The following AFG1L variants were observed in gnomAD, a reference collection of about 807,000 sequenced individuals.
The protein encoded by AFG1L is AFG1-like ATPase.
A neutral mutation model predicts 62.2 loss-of-function variants in AFG1L; 53 were observed. The observed-to-expected ratio is 0.85, with a 90% CI of 0.68 to 1.07. AFG1L has a LOEUF of 1.07. AFG1L is among the 50% of genes least tolerant of loss of function. The pLI is 0.00. For missense variants in AFG1L, 555 were observed against 590.5 expected (o/e 0.94, Z 0.62); for synonymous variants, 228 against 210.3 (o/e 1.08, Z -0.73).
intron 6 of AFG1L, among the ~76,000 whole-genome samples, chr6:108,367,546 A>G (rs1779810682): frequency 6.6e-6 from 1 of 152,148 alleles, no homozygotes; most frequent in African/African-American, 2.4e-5. Context: ...GATCAAGAGT[A>G]ACTCAAAGGT....
chr6:108,478,365 A>T (rs1278654041), intron 10 of AFG1L, among the ~76,000 whole-genome samples: 1 of 152,210 alleles, frequency 6.6e-6, no homozygotes, highest in African/African-American at 2.4e-5. Flanking sequence ...TGAACCCGGG[A>T]GGCGGAGCCT....
In AFG1L at chr6:108,295,201, G is replaced by T; in HGVS notation, c.122G>T (p.Gly41Val). ...AALAPLATAP[G>V]KPFWKAYTVQ... Reference sequence around the variant, plus strand: ...CTCGCTCCTCTGGCCACCGCCCCTGGGAAGCCCTTTTGGAAAGGTCAGTGA... The same window carrying T: ...CTCGCTCCTCTGGCCACCGCCCCTGTGAAGCCCTTTTGGAAAGGTCAGTGA... The change falls in exon 1 of 13, where the codon GGG becomes GTG. Residue 41 changes from glycine (G) to valine (V), a missense_variant. Gly to Val is a moderately radical substitution (Grantham distance 109, BLOSUM62 -3). Coordinates refer to ENST00000368977, the MANE Select transcript of AFG1L (RefSeq NM_145315.5). 1 of 1,604,984 alleles carries T rather than the reference G, an allele frequency of 6.2e-7. No individual in the cohort carries two copies.
chr6:108,306,981 T>C (rs1777221787), intron 1 of AFG1L, among the ~76,000 whole-genome samples: 1 of 152,196 alleles, frequency 6.6e-6, no homozygotes, highest in Non-Finnish European at 1.5e-5. Flanking sequence ...TATTATTTTT[T>C]CTGTTTAAAC....
intron 7 of AFG1L, among the ~76,000 whole-genome samples, chr6:108,404,822 G>A (rs1781780096): frequency 6.6e-6 from 1 of 152,090 alleles, no homozygotes; most frequent in African/African-American, 2.4e-5. Flanking sequence ...CTGCCTCCCA[G>A]GTTCAAGCAA....
At chr6:108,464,401 ATGACT>A (rs1772586887) in intron 8 of AFG1L, among the ~76,000 whole-genome samples, 1 of 152,176 alleles carries the variant, frequency 6.6e-6, no homozygotes, top group Non-Finnish European at 1.5e-5. Context: ...CAAAATGGAA[ATGACT>A]TGATTACTTT....
intron 8 of AFG1L, among the ~76,000 whole-genome samples, chr6:108,466,138 A>G (rs1772656385): frequency 6.6e-6 from 1 of 152,254 alleles, no homozygotes; most frequent in Non-Finnish European, 1.5e-5. Context: ...CTAAAATGGA[A>G]GAGATGGAAA....
At chr6:108,516,148 TTA>T (rs1333833816) in intron 11 of AFG1L, among the ~76,000 whole-genome samples, 3 of 152,220 alleles carry the variant, frequency 2.0e-5, no homozygotes, top group Admixed American at 6.5e-5. Flanking sequence ...CTAACTCATT[TTA>T]TGAGGCCAGC....
intron 6 of AFG1L, among the ~76,000 whole-genome samples, chr6:108,391,487 T>C (rs1781055558): frequency 6.6e-6 from 1 of 150,742 alleles, no homozygotes; most frequent in Admixed American, 6.6e-5. Flanking sequence ...TTTATTTTTT[T>C]CTTGCCAACT....
chr6:108,388,534 G>A (rs1283564), intron 6 of AFG1L, among the ~76,000 whole-genome samples: 3,346 of 152,138 alleles, frequency 0.022, 114 homozygotes, highest in African/African-American at 0.074. Context: ...ATTTCCCTCT[G>A]CACACTGCTT....
At chr6:108,322,056 A>C (rs990289384) in intron 1 of AFG1L, among the ~76,000 whole-genome samples, 9 of 152,050 alleles carry the variant, frequency 5.9e-5, no homozygotes, top group African/African-American at 1.4e-4. Flanking sequence ...CTGGCTAATT[A>C]AAAACAAATT....
chr6:108,389,475 A>G (rs1582495389), intron 6 of AFG1L, among the ~76,000 whole-genome samples: 1 of 152,268 alleles, frequency 6.6e-6, no homozygotes, highest in Middle Eastern at 3.4e-3. Flanking sequence ...CCTAGCCTCG[A>G]TGGTCTTTAC....
intron 10 of AFG1L, among the ~76,000 whole-genome samples, chr6:108,480,538 C>T (rs1363258438): frequency 2.0e-5 from 3 of 152,176 alleles, no homozygotes; most frequent in Non-Finnish European, 4.4e-5. Flanking sequence ...TGGACTCTAT[C>T]TTAAAGTGTA....
intron 7 of AFG1L, among the ~76,000 whole-genome samples, chr6:108,423,608 A>G (rs918126486): frequency 6.6e-6 from 1 of 152,076 alleles, no homozygotes; most frequent in Non-Finnish European, 1.5e-5. Flanking sequence ...CTGTATCTAC[A>G]CCTCCCATTT....
At chr6:108,464,050 T>C (rs1006070555) in intron 8 of AFG1L, among the ~76,000 whole-genome samples, 3 of 152,192 alleles carry the variant, frequency 2.0e-5, no homozygotes, top group Non-Finnish European at 4.4e-5. Context: ...TTTGGCTCTC[T>C]GGAATAGAGA....
intron 6 of AFG1L, among the ~76,000 whole-genome samples, chr6:108,400,572 T>C (rs2114625625): frequency 7.3e-6 from 1 of 137,620 alleles, no homozygotes; most frequent in Admixed American, 8.0e-5. Flanking sequence ...TATAAATATA[T>C]ATTTATTATT....
chr6:108,352,076 C>T (rs1779104512), intron 3 of AFG1L, among the ~76,000 whole-genome samples: 1 of 152,042 alleles, frequency 6.6e-6, no homozygotes, highest in South Asian at 2.1e-4. Flanking sequence ...TTTTATCTTC[C>T]CAAACTGAAA....
At chr6:108,447,926 G>T (rs1771883976) in intron 8 of AFG1L, among the ~76,000 whole-genome samples, 1 of 152,174 alleles carries the variant, frequency 6.6e-6, no homozygotes, top group Non-Finnish European at 1.5e-5. Context: ...AACTTGTTTA[G>T]TATATGCCAA....
chr6:108,330,475 A>G (rs186944503), intron 2 of AFG1L, among the ~76,000 whole-genome samples: 5 of 152,290 alleles, frequency 3.3e-5, no homozygotes, highest in Admixed American at 2.6e-4. Flanking sequence ...CGCCTGGCTC[A>G]TAAATTCCTT....
intron 10 of AFG1L, among the ~76,000 whole-genome samples, chr6:108,502,095 C>T (rs1471277473): frequency 6.6e-6 from 1 of 152,132 alleles, no homozygotes; most frequent in Admixed American, 6.5e-5. Context: ...GGCGTGATCT[C>T]GGCTCACTGC....
Sources: gnomAD v4.1 joint callset for allele counts (sites outside exome capture counted in the v4.1 genomes callset) on GRCh38, gnomAD v4.1.1 for gene constraint, MANE v1.5 for transcripts, NCBI Gene and HGNC (gene_info 2026-07-23, HGNC 2026-07-21) for gene names.